The following GPC5 variants were observed in gnomAD, a reference collection of about 807,000 sequenced individuals.
GPC5 encodes the protein glypican-5.
GPC5 carries 47 observed loss-of-function variants against 53.9 expected under a neutral mutation model. The ratio of observed to expected loss-of-function variants is 0.87; its 90% confidence interval spans 0.69 to 1.11. GPC5 has a LOEUF of 1.11. Among genes scored for constraint, GPC5 ranks in the 50% most tolerant of loss-of-function variants. The probability of loss-of-function intolerance (pLI) is 0.00; values close to 1 mark genes in which losing one functional copy is unlikely to be tolerated. For missense variants in GPC5, 748 were observed against 713.1 expected, an observed-to-expected ratio of 1.05 and a Z score of -0.56; for synonymous variants, 286 against 263.3, an observed-to-expected ratio of 1.09 and a Z score of -0.84.
At chr13:92,186,869 T>G (rs2139042537) in intron 7 of GPC5, among the ~76,000 whole-genome samples, 1 of 152,280 alleles carries the variant, frequency 6.6e-6, no homozygotes, top group South Asian at 2.1e-4. Context: ...CCCAGCACTT[T>G]GGGAGGCCGA....
intron 2 of GPC5, among the ~76,000 whole-genome samples, chr13:91,649,445 CCA>C (rs2034642384): frequency 6.6e-6 from 1 of 152,144 alleles, no homozygotes; most frequent in Non-Finnish European, 1.5e-5. Flanking sequence ...AGCACAGTGT[CCA>C]GGCTATAGAA....
At chr13:91,498,826 C>T (rs1338929414) in intron 2 of GPC5, among the ~76,000 whole-genome samples, 3 of 151,924 alleles carry the variant, frequency 2.0e-5, no homozygotes, top group Non-Finnish European at 2.9e-5. Flanking sequence ...CAAAAATTAG[C>T]TGGGCGTGGT....
chr13:92,471,509 C>T (rs1878909883), intron 7 of GPC5, among the ~76,000 whole-genome samples: 2 of 146,164 alleles, frequency 1.4e-5, no homozygotes, highest in Admixed American at 7.0e-5. Context: ...ACCCTGGAGT[C>T]CTTTTATTGC....
intron 7 of GPC5, among the ~76,000 whole-genome samples, chr13:92,791,855 T>A (rs1354557517): frequency 1.3e-5 from 2 of 152,114 alleles, no homozygotes; most frequent in African/African-American, 4.8e-5. Context: ...GAAACATATA[T>A]AACATAAAAT....
chr13:91,969,523 A>G (rs1339128003), intron 6 of GPC5, among the ~76,000 whole-genome samples: 1 of 152,162 alleles, frequency 6.6e-6, no homozygotes. Context: ...AACAAGGGGT[A>G]CTATACCAAT....
At chr13:92,258,397 T>C (rs2042742220) in intron 7 of GPC5, among the ~76,000 whole-genome samples, 2 of 152,328 alleles carry the variant, frequency 1.3e-5, no homozygotes, top group South Asian at 2.1e-4. Context: ...TTGCTATAAT[T>C]ACTATTTAAT....
intron 6 of GPC5, among the ~76,000 whole-genome samples, chr13:92,139,666 CAAA>C (rs5805729): frequency 8.7e-4 from 82 of 94,148 alleles, no homozygotes; most frequent in African/African-American, 1.6e-3. Flanking sequence ...GATTCCGTCT[CAAA>C]AAAAAAAAAA....
chr13:92,347,708 C>T (rs904791862), intron 7 of GPC5, among the ~76,000 whole-genome samples: 1 of 147,010 alleles, frequency 6.8e-6, no homozygotes, highest in African/African-American at 2.5e-5. Context: ...ACTATTAAAA[C>T]TATAGCTGAA....
chr13:91,560,551 TCA>T (rs2031201062), intron 2 of GPC5, among the ~76,000 whole-genome samples: 1 of 152,084 alleles, frequency 6.6e-6, no homozygotes, highest in Non-Finnish European at 1.5e-5. Context: ...TGCTAATTGG[TCA>T]CAGTGTCCAT....
At chr13:92,695,230 T>C (rs1271460229) in intron 7 of GPC5, among the ~76,000 whole-genome samples, 1 of 152,234 alleles carries the variant, frequency 6.6e-6, no homozygotes, top group Non-Finnish European at 1.5e-5. Context: ...CTTCTTTTGA[T>C]AACTGTTTGT....
intron 2 of GPC5, among the ~76,000 whole-genome samples, chr13:91,538,012 T>C (rs1886666772): frequency 6.6e-6 from 1 of 152,234 alleles, no homozygotes; most frequent in African/African-American, 2.4e-5. Flanking sequence ...AAATAAAATG[T>C]GGTTTATGCA....
chr13:92,552,072 A>G (rs1882336843), intron 7 of GPC5, among the ~76,000 whole-genome samples: 1 of 151,940 alleles, frequency 6.6e-6, no homozygotes, highest in East Asian at 1.9e-4. Flanking sequence ...TGTTTCCCAA[A>G]CTTGTTTAAT....
rs535743101 is a variant in GPC5, at chr13:92,846,015, C to T, written c.1562-20267C>T. 7.0e-4 allele frequency among the ~76,000 whole-genome samples: 106 copies of T among 152,162 alleles called. 1 individual carries two copies. The highest frequency in any genetic ancestry group is 1.2e-3 in the Non-Finnish European group (85 of 68,008). On this transcript the variant is annotated intron_variant, in intron 7 of 7. Transcript: ENST00000377067. Reference sequence around the variant, plus strand: ...GAGAAACCATACCTATCAGTCCGTTCTCACACTGCTATAATGAACTGCCCG... The same window carrying T: ...GAGAAACCATACCTATCAGTCCGTTTTCACACTGCTATAATGAACTGCCCG...
intron 5 of GPC5, among the ~76,000 whole-genome samples, chr13:91,834,720 C>T (rs931238119): frequency 6.6e-6 from 1 of 152,138 alleles, no homozygotes; most frequent in South Asian, 2.1e-4. Flanking sequence ...TGGATCCCTT[C>T]CTTACACCTT....
At chr13:92,571,718 C>T (rs374838005) in intron 7 of GPC5, among the ~76,000 whole-genome samples, 24 of 152,076 alleles carry the variant, frequency 1.6e-4, no homozygotes, top group Admixed American at 3.3e-4. Context: ...CCAAATATGG[C>T]AAACTCATTT....
intron 7 of GPC5, among the ~76,000 whole-genome samples, chr13:92,323,999 A>G (rs1017202038): frequency 2.6e-5 from 4 of 151,838 alleles, no homozygotes; most frequent in Non-Finnish European, 5.9e-5. Flanking sequence ...TGTTGTTTTG[A>G]TGTAGTTTCT....
At chr13:91,747,875 A>G (rs2037085675) in intron 4 of GPC5, among the ~76,000 whole-genome samples, 2 of 152,210 alleles carry the variant, frequency 1.3e-5, no homozygotes, top group South Asian at 4.1e-4. Flanking sequence ...CTGATAATTT[A>G]GTGACTTCTC....
At chr13:92,434,802 G>A (rs1373423338) in intron 7 of GPC5, among the ~76,000 whole-genome samples, 2 of 152,192 alleles carry the variant, frequency 1.3e-5, no homozygotes, top group African/African-American at 4.8e-5. Context: ...GACAGGAGCA[G>A]AGCTGGGTTT....
At chr13:92,365,209 A>G (rs2043598380) in intron 7 of GPC5, among the ~76,000 whole-genome samples, 1 of 151,804 alleles carries the variant, frequency 6.6e-6, no homozygotes, top group East Asian at 1.9e-4. Context: ...TGTTGCTCCT[A>G]TGTTACAAAC....
Sources: allele counts gnomAD v4.1 joint callset (sites outside exome capture counted in the v4.1 genomes callset), GRCh38; gene constraint gnomAD v4.1.1; transcripts MANE v1.5; gene names NCBI Gene and HGNC (gene_info 2026-07-23, HGNC 2026-07-21).